Variants in SOX5 observed in about 807,000 individuals in gnomAD.
The protein encoded by SOX5 is transcription factor SOX-5.
A neutral mutation model predicts 92.0 loss-of-function variants in SOX5; 9 were observed. The ratio of observed to expected loss-of-function variants is 0.10; its 90% CI spans 0.06 to 0.17. SOX5 has a LOEUF of 0.17. Among genes scored for constraint, SOX5 ranks in the 10% least tolerant of loss-of-function variants. The probability of loss-of-function intolerance (pLI) is 1.00; values close to 1 mark genes in which losing one functional copy is unlikely to be tolerated. For missense variants in SOX5, 642 were observed against 944.5 expected, an observed-to-expected ratio of 0.68 and a Z score of 4.20; for synonymous variants, 344 against 336.3, an observed-to-expected ratio of 1.02 and a Z score of -0.25.
At chr12:23,785,342 TTTG>T (rs2095360173) in intron 3 of SOX5, among the ~76,000 whole-genome samples, 5 of 152,296 alleles carry the variant, frequency 3.3e-5, no homozygotes, top group Non-Finnish European at 5.9e-5. Flanking sequence ...TTTCCTTTGG[TTTG>T]TTGTTATAGG....
At chr12:24,155,844 C>G (rs1398568449) in intron 4 of SOX5, among the ~76,000 whole-genome samples, 1 of 152,146 alleles carries the variant, frequency 6.6e-6, no homozygotes, top group African/African-American at 2.4e-5. Context: ...GGCATCTGGA[C>G]AGCGGCTCTA....
At chr12:24,166,454 G>A (rs1250212438) in intron 4 of SOX5, among the ~76,000 whole-genome samples, 1 of 152,118 alleles carries the variant, frequency 6.6e-6, no homozygotes, top group Admixed American at 6.6e-5. Context: ...AGATTCTCAG[G>A]AAATATAGAG....
intron 2 of SOX5, among the ~76,000 whole-genome samples, chr12:23,879,957 G>C (rs111608268): frequency 6.6e-6 from 1 of 152,116 alleles, no homozygotes; most frequent in Non-Finnish European, 1.5e-5. Flanking sequence ...AGTCTCCAAG[G>C]CAAGCTAGGT....
chr12:24,526,465 G>A (rs1597613467), intron 1 of SOX5, among the ~76,000 whole-genome samples: 2 of 152,206 alleles, frequency 1.3e-5, no homozygotes, highest in Non-Finnish European at 2.9e-5. Context: ...CGCAAACGCA[G>A]AGTATATAAT....
Position 24,157,132 on chromosome 12 carries a change from C to T in SOX5, c.-2+56211G>A, listed in dbSNP as rs1952261728. 2.0e-5 allele frequency among the ~76,000 whole-genome samples: 3 copies of T among 152,040 alleles called. No individual in the cohort carries two copies. In the South Asian group the frequency reaches 6.2e-4, roughly 31 times the overall value. On this transcript the variant is annotated intron_variant, in intron 4 of 4. Transcript: ENST00000446891. ...TAGAGTTTCATTTTGACTTCATAAT[C>T]TATTTGATCTCCATTTTTGTTTCAT... is the stretch of plus-strand genomic sequence containing the variant.
rs150561028 is a variant in SOX5 at position 23,897,422 on chromosome 12, T to C, written c.39-1398A>G. Among the ~76,000 whole-genome samples, 7 of 152,300 alleles carry C rather than the reference T, an allele frequency of 4.6e-5. No homozygotes were observed. In the East Asian group the frequency reaches 1.3e-3, roughly 29 times the overall value. On this transcript the variant is annotated intron_variant, in intron 1 of 14. Transcript: ENST00000451604. ...GAATGAAAATACTGATTCTGTCACT[T>C]ACTAGCTGAGACTTAATTTCTCTAT...
At chr12:23,860,493 T>C (rs2096742952) in intron 2 of SOX5, among the ~76,000 whole-genome samples, 1 of 152,096 alleles carries the variant, frequency 6.6e-6, no homozygotes, top group Admixed American at 6.6e-5. Flanking sequence ...ACAGAGATAA[T>C]GTTTTAAATA....
chr12:24,235,393 G>A (rs574541989), intron 3 of SOX5, among the ~76,000 whole-genome samples: 1 of 152,146 alleles, frequency 6.6e-6, no homozygotes, highest in South Asian at 2.1e-4. Flanking sequence ...ATTACTAGAG[G>A]TCACTGGACT....
chr12:23,529,728 CTA>C lies in SOX5; in HGVS notation c.*4489_*4490del, dbSNP rs1171541950. 1.3e-5 allele frequency: 2 copies of C among 151,876 alleles called. No homozygotes were observed. The highest frequency in any genetic ancestry group is 1.9e-4 in the East Asian group (1 of 5,200). The allele number at this position is 151,876 out of a possible 1,614,324, so 9.4% of individuals were successfully genotyped here. A position where few individuals can be genotyped will look rare whatever the true frequency, so the allele number is the denominator to read the frequency against. Reference sequence around the variant, plus strand: ...ATGAAAATATACAACTTATATTACACTATGTGTTATGAACAAAATATAAATCT... The same window carrying C: ...ATGAAAATATACAACTTATATTACACTGTGTTATGAACAAAATATAAATCT... On this transcript the variant is annotated 3_prime_UTR_variant, in exon 15 of 15. Coordinates refer to ENST00000451604, the MANE Select transcript of SOX5 (RefSeq NM_006940.6).
At chr12:23,617,397 G>C (rs1430001944) in intron 8 of SOX5, among the ~76,000 whole-genome samples, 2 of 152,078 alleles carry the variant, frequency 1.3e-5, no homozygotes, top group African/African-American at 4.8e-5. Context: ...GCTATAGTTT[G>C]GGTTTTACTG....
intron 4 of SOX5, among the ~76,000 whole-genome samples, chr12:24,016,874 C>T (rs1953687460): frequency 6.6e-6 from 1 of 152,172 alleles, no homozygotes; most frequent in African/African-American, 2.4e-5. Flanking sequence ...TCTAGATTTT[C>T]CGTAGATTTG....
At chr12:23,560,725 T>C (rs1012757459) in intron 11 of SOX5, among the ~76,000 whole-genome samples, 7 of 152,232 alleles carry the variant, frequency 4.6e-5, no homozygotes, top group Admixed American at 2.0e-4. Context: ...AATTAAAAGA[T>C]GTAAGTGTGA....
At chr12:24,383,295 T>G (rs1958019709) in intron 1 of SOX5, among the ~76,000 whole-genome samples, 1 of 152,196 alleles carries the variant, frequency 6.6e-6, no homozygotes, top group Non-Finnish European at 1.5e-5. Context: ...ACAACTACCT[T>G]TATGTAACGA....
At chr12:23,732,997 A>G (rs566206784) in intron 6 of SOX5, among the ~76,000 whole-genome samples, 3 of 152,222 alleles carry the variant, frequency 2.0e-5, no homozygotes, top group Non-Finnish European at 4.4e-5. Context: ...TCATTATGAC[A>G]GGGCTTAAAA....
intron 3 of SOX5, among the ~76,000 whole-genome samples, chr12:24,252,975 A>C (rs1940439976): frequency 6.6e-6 from 1 of 152,230 alleles, no homozygotes; most frequent in South Asian, 2.1e-4. Flanking sequence ...CAATGGGCAC[A>C]GTGAGGATTA....
intron 4 of SOX5, among the ~76,000 whole-genome samples, chr12:24,163,349 G>A (rs1952990224): frequency 6.6e-6 from 1 of 152,040 alleles, no homozygotes; most frequent in African/African-American, 2.4e-5. Flanking sequence ...TTAATAAACA[G>A]TAGGCCTGAT....
chr12:24,029,628 A>G (rs1955259809), intron 4 of SOX5, among the ~76,000 whole-genome samples: 1 of 151,894 alleles, frequency 6.6e-6, no homozygotes, highest in African/African-American at 2.4e-5. Context: ...CTGACAAGTG[A>G]ATACTTGTTT....
At chr12:23,701,762 T>C (rs1196279958) in intron 6 of SOX5, among the ~76,000 whole-genome samples, 4 of 152,054 alleles carry the variant, frequency 2.6e-5, no homozygotes, top group Non-Finnish European at 2.9e-5. Context: ...ATCCTGGTAG[T>C]TTGTGCCAGA....
chr12:24,476,002 A>AT (rs1478607601), intron 1 of SOX5, among the ~76,000 whole-genome samples: 1 of 144,746 alleles, frequency 6.9e-6, no homozygotes. Flanking sequence ...TTAAAAAAAA[A>AT]AAAAAAAAAA....
Sources: allele counts gnomAD v4.1 joint callset (sites outside exome capture counted in the v4.1 genomes callset), GRCh38; gene constraint gnomAD v4.1.1; transcripts MANE v1.5; gene names NCBI Gene and HGNC (gene_info 2026-07-23, HGNC 2026-07-21).